The following LAMB4 variants were observed in gnomAD, a reference collection of about 807,000 sequenced individuals.
The protein encoded by LAMB4 is laminin subunit beta-4.
Under a neutral mutation model 199.2 loss-of-function variants are expected in LAMB4, and 196 were observed. The ratio of observed to expected loss-of-function variants is 0.98; its 90% CI spans 0.88 to 1.11. LAMB4 has a LOEUF of 1.11. LAMB4 is among the 50% of genes least tolerant of loss of function. LAMB4 has a pLI of 0.00. For synonymous variants in LAMB4, 744 were observed against 770.6 expected (o/e 0.97, Z 0.57); for missense variants, 2,080 against 2,171.2 (o/e 0.96, Z 0.83).
chr7:108,029,076 C>T lies in LAMB4; in HGVS notation c.5113G>A (p.Gly1705Arg), dbSNP rs944597134. Residue 1705 changes from glycine to arginine, a missense_variant, in exon 33 of 34, where the codon GGA becomes AGA. Transcript: ENST00000388781. ...QLKDAAEKLA[G>R]DTEAKIRRIT... ...CTTCTTATCTTGGCCTCTGTATCTC[C>T]AGCCAATTTTTCTGCCGCATCTTTT... The T allele has an allele frequency of 1.2e-6, 2 of 1,613,854 alleles. No homozygotes were observed. Among genetic ancestry groups the T allele is most frequent in the Non-Finnish European group, 1.7e-6 (2 of 1,179,954 alleles).
At chr7:108,046,801 T>A (rs1385077363) in intron 28 of LAMB4, among the ~76,000 whole-genome samples, 2 of 152,214 alleles carry the variant, frequency 1.3e-5, no homozygotes, top group East Asian at 3.9e-4. Context: ...TTACAATTTG[T>A]ATATTTAGTA....
chr7:108,020,480 A>G (rs1584565535), downstream of LAMB4, among the ~76,000 whole-genome samples: 1 of 151,636 alleles, frequency 6.6e-6, no homozygotes, highest in Non-Finnish European at 1.5e-5. Flanking sequence ...CAAAAAAAAA[A>G]AAAAAAAAAA....
intron 14 of LAMB4, among the ~76,000 whole-genome samples, chr7:108,082,499 T>A (rs898630559): frequency 6.6e-6 from 1 of 152,164 alleles, no homozygotes; most frequent in African/African-American, 2.4e-5. Context: ...TAACCAGGTA[T>A]ACAAAGTGCC....
intron 28 of LAMB4, among the ~76,000 whole-genome samples, chr7:108,045,470 C>T (rs2035586692): frequency 1.3e-5 from 2 of 152,342 alleles, no homozygotes; most frequent in South Asian, 4.1e-4. Flanking sequence ...CATCCCCTCT[C>T]ATCGTTTTCC....
At chr7:108,124,471 TAC>T (rs1289739753) in intron 1 of LAMB4, among the ~76,000 whole-genome samples, 2 of 152,138 alleles carry the variant, frequency 1.3e-5, no homozygotes, top group Non-Finnish European at 2.9e-5. Context: ...TGTATATATA[TAC>T]ACATACACAC....
At chr7:108,050,212 G>A (rs1022687639) in intron 26 of LAMB4, among the ~76,000 whole-genome samples, 2 of 152,224 alleles carry the variant, frequency 1.3e-5, no homozygotes, top group Non-Finnish European at 2.9e-5. Flanking sequence ...GAACCCTGAT[G>A]TTGAGGCTGC....
the LAMB4 span, among the ~76,000 whole-genome samples, chr7:108,014,939 C>G: frequency 6.6e-6 from 1 of 152,112 alleles, no homozygotes; most frequent in Non-Finnish European, 1.5e-5. Flanking sequence ...CCAGGCTGGT[C>G]TCGAACTCCT....
At chr7:108,096,662 T>G (rs1003963613) in intron 11 of LAMB4, among the ~76,000 whole-genome samples, 5 of 151,284 alleles carry the variant, frequency 3.3e-5, no homozygotes, top group African/African-American at 1.2e-4. Context: ...CTGGGCACAG[T>G]GGCTTATGTC....
rs184822089 is a variant in LAMB4, at chr7:108,104,769, C to T, written c.871-150G>A. Reference sequence around the variant, plus strand: ...TTACAATACCAACCTTGATTATCTTCTATTATTTTCTTAACTAGCTTTAAA... The same window carrying T: ...TTACAATACCAACCTTGATTATCTTTTATTATTTTCTTAACTAGCTTTAAA... On this transcript the variant is annotated intron_variant, in intron 8 of 33. Transcript: ENST00000388781. 4.7e-4 allele frequency: 388 copies of T among 820,040 alleles called. 2 individuals carry two copies. Among genetic ancestry groups the T allele is most frequent in the Non-Finnish European group, 6.2e-4 (345 of 552,338 alleles). The allele number at this position is 820,040 out of a possible 1,614,324, so 50.8% of individuals were successfully genotyped here. A position where few individuals can be genotyped will look rare whatever the true frequency, so the allele number is the denominator to read the frequency against.
At chr7:108,034,441 A>C in intron 30 of LAMB4, 95 bp from the exon 31 acceptor site, 1 of 934,458 alleles carries the variant, frequency 1.1e-6, no homozygotes, top group Non-Finnish European at 1.7e-6. Context: ...CAAATACTTT[A>C]CTGAATTATT....
chr7:108,109,029 G>T (rs2038125063), intron 5 of LAMB4, 142 bp downstream of exon 5: 1 of 641,676 alleles, frequency 1.6e-6, no homozygotes. Flanking sequence ...TCATGTAAGA[G>T]TCAAAGCTCA....
intron 15 of LAMB4, among the ~76,000 whole-genome samples, chr7:108,078,885 T>C (rs113815492): frequency 0.018 from 2,677 of 152,278 alleles, 78 homozygotes; most frequent in African/African-American, 0.06. Context: ...TTATGTCCTA[T>C]CACACATTTC....
At chr7:108,104,297 T>C (rs2037921160) in intron 9 of LAMB4, among the ~76,000 whole-genome samples, 1 of 151,476 alleles carries the variant, frequency 6.6e-6, no homozygotes, top group Non-Finnish European at 1.5e-5. Flanking sequence ...AAAGTTAAAC[T>C]TAATTTGTGG....
chr7:108,077,458 G>A (rs1342833948), intron 16 of LAMB4, among the ~76,000 whole-genome samples: 1 of 152,142 alleles, frequency 6.6e-6, no homozygotes, highest in Non-Finnish European at 1.5e-5. Flanking sequence ...ACTTTGGGAG[G>A]CCAAGGTGGG....
chr7:108,069,663 T>C, intron 18 of LAMB4, 45 bp downstream of exon 18: 1 of 1,555,556 alleles, frequency 6.4e-7, no homozygotes, highest in East Asian at 2.3e-5. Flanking sequence ...AAAGCATTTG[T>C]ATGGATGTCA....
chr7:108,070,454 G>T (rs1458921834), intron 17 of LAMB4, among the ~76,000 whole-genome samples: 1 of 152,114 alleles, frequency 6.6e-6, no homozygotes, highest in Non-Finnish European at 1.5e-5. Context: ...CTTCTATGTG[G>T]ATTTTCTTCC....
chr7:108,068,351 C>G (rs549372898), intron 18 of LAMB4, among the ~76,000 whole-genome samples, 192 bp from the exon 19 acceptor site: 1 of 152,112 alleles, frequency 6.6e-6, no homozygotes, highest in Non-Finnish European at 1.5e-5. Context: ...ATAAGTTCTG[C>G]GAAGTAGTTA....
intron 10 of LAMB4, among the ~76,000 whole-genome samples, chr7:108,099,493 C>T (rs988904298): frequency 5.3e-5 from 8 of 152,248 alleles, no homozygotes; most frequent in African/African-American, 1.9e-4. Context: ...CTGCAGCGAA[C>T]CCCTCATCAT....
chr7:108,071,665 A>T (rs1323377130), intron 17 of LAMB4, among the ~76,000 whole-genome samples: 2 of 152,156 alleles, frequency 1.3e-5, no homozygotes, highest in Non-Finnish European at 2.9e-5. Flanking sequence ...CACATCCCAC[A>T]CACATCAAAT....
Sources: allele counts gnomAD v4.1 joint callset (sites outside exome capture counted in the v4.1 genomes callset), GRCh38; gene constraint gnomAD v4.1.1; transcripts MANE v1.5; gene names NCBI Gene and HGNC (gene_info 2026-07-23, HGNC 2026-07-21).